SLC22A3: variants seen among roughly 807,000 people sequenced by gnomAD.
SLC22A3 encodes solute carrier family 22 member 3, also known as EMT organic cation transporter 3.
Under a neutral mutation model 59.1 loss-of-function variants are expected in SLC22A3, and 51 were observed. The ratio of observed to expected loss-of-function variants is 0.86; its 90% CI spans 0.69 to 1.09. SLC22A3 has a LOEUF of 1.09. Among genes scored for constraint, SLC22A3 ranks in the 50% least tolerant of loss-of-function variants. The pLI is 0.00. For synonymous variants in SLC22A3, 325 were observed against 292.0 expected (o/e 1.11, Z -1.15); for missense variants, 711 against 726.3 (o/e 0.98, Z 0.24).
chr6:160,416,247 T>C (rs1787484061), intron 5 of SLC22A3, among the ~76,000 whole-genome samples: 1 of 152,108 alleles, frequency 6.6e-6, no homozygotes, highest in South Asian at 2.1e-4. Flanking sequence ...ATAACTGTTG[T>C]TCACTAAATG....
At chr6:160,409,145 A>G (rs1261752824) in intron 4 of SLC22A3, among the ~76,000 whole-genome samples, 4 of 119,848 alleles carry the variant, frequency 3.3e-5, no homozygotes, top group Admixed American at 1.8e-4. Flanking sequence ...AGCATTAGGT[A>G]TATCTCCCAA....
chr6:160,407,364 G>A (rs1347758513), intron 3 of SLC22A3, among the ~76,000 whole-genome samples, 169 bp downstream of exon 3: 1 of 152,164 alleles, frequency 6.6e-6, no homozygotes, highest in Non-Finnish European at 1.5e-5. Context: ...AGGATTCTGA[G>A]TGCTTTAGAA....
chr6:160,394,459 C>T (rs951820272), intron 1 of SLC22A3, among the ~76,000 whole-genome samples: 41 of 152,248 alleles, frequency 2.7e-4, no homozygotes, highest in African/African-American at 8.7e-4. Flanking sequence ...GAAGCGTCAG[C>T]CCCTAGAGGC....
At chr6:160,372,032 TC>T (rs904288556) in intron 1 of SLC22A3, among the ~76,000 whole-genome samples, 7 of 152,186 alleles carry the variant, frequency 4.6e-5, no homozygotes, top group African/African-American at 1.7e-4. Flanking sequence ...GTTGTGTTTT[TC>T]TTGTAAATTT....
chr6:160,361,367 A>T (rs10455871), intron 1 of SLC22A3, among the ~76,000 whole-genome samples: 2,542 of 152,364 alleles, frequency 0.017, 30 homozygotes, highest in Admixed American at 0.041. Flanking sequence ...CCAAAAATGG[A>T]TTATCTAGAT....
intron 5 of SLC22A3, among the ~76,000 whole-genome samples, chr6:160,435,811 C>T (rs9365164): frequency 0.31 from 46,670 of 151,998 alleles, 7,620 homozygotes; most frequent in East Asian, 0.4. Context: ...CACTGAGGAA[C>T]AGATATGACC....
rs1786580178 is a variant in SLC22A3, at chr6:160,398,040, G to A, written c.491G>A (p.Gly164Asp). The change falls in exon 2 of 11, where the codon GGC becomes GAC. Residue 164 changes from glycine (G) to aspartate (D), a missense_variant. Gly to Asp is a moderately conservative substitution (Grantham distance 94). Coordinates refer to ENST00000275300, the MANE Select transcript of SLC22A3 (RefSeq NM_021977.4). The stretch of plus-strand genomic sequence containing the variant: ...CTCACCCAAGCCATCCTGAACCTCG[G>A]CTTCCTGACTGGAGCATTCACCTTA... Reference protein sequence around the residue: ...LDLTQAILNLGFLTGAFTLGY... With the variant: ...LDLTQAILNLDFLTGAFTLGY... 1 of 1,613,706 alleles carries A rather than the reference G, an allele frequency of 6.2e-7. No individual in the cohort carries two copies. Among genetic ancestry groups the A allele is most frequent in the Admixed American group, 1.7e-5 (1 of 59,992 alleles).
In SLC22A3 at chr6:160,371,306, A is replaced by T. The variant is rs1785389058; in HGVS notation, c.429+22458A>T. ...CATCAACCTGTCACTTACATTAGGT[A>T]TTTCTCCTAATGCTATCCCTCCCCT... On this transcript the variant is annotated intron_variant, in intron 1 of 10. Coordinates refer to ENST00000275300, the MANE Select transcript of SLC22A3 (RefSeq NM_021977.4). Among the ~76,000 whole-genome samples, 4 of 152,016 alleles carry T rather than the reference A, an allele frequency of 2.6e-5. 1 individual carries two copies. The South Asian group carries it at 8.3e-4, about 32-fold the overall frequency.
intron 1 of SLC22A3, among the ~76,000 whole-genome samples, chr6:160,359,751 TC>T (rs1394847172): frequency 6.6e-6 from 1 of 152,232 alleles, no homozygotes; most frequent in East Asian, 1.9e-4. Flanking sequence ...TCAACCTTGT[TC>T]AAGAAGCATT....
At chr6:160,446,328 C>T (rs1326596689) in intron 9 of SLC22A3, among the ~76,000 whole-genome samples, 1 of 152,204 alleles carries the variant, frequency 6.6e-6, no homozygotes, top group Non-Finnish European at 1.5e-5. Flanking sequence ...CCAGGGCCAA[C>T]TGCTACCATA....
At chr6:160,371,894 T>C (rs1439661166) in intron 1 of SLC22A3, among the ~76,000 whole-genome samples, 2 of 152,222 alleles carry the variant, frequency 1.3e-5, no homozygotes, top group African/African-American at 4.8e-5. Context: ...TGGTATCTCA[T>C]TGTGGTTTTG....
intron 5 of SLC22A3, among the ~76,000 whole-genome samples, chr6:160,413,403 A>G (rs1039352733): frequency 6.6e-6 from 1 of 152,216 alleles, no homozygotes; most frequent in African/African-American, 2.4e-5. Context: ...ACATACTCAA[A>G]AATACAAAAA....
At chr6:160,364,071 A>G (rs1244144094) in intron 1 of SLC22A3, among the ~76,000 whole-genome samples, 1 of 152,162 alleles carries the variant, frequency 6.6e-6, no homozygotes, top group Non-Finnish European at 1.5e-5. Flanking sequence ...TGCATGTATA[A>G]TAGAGGGAGA....
chr6:160,423,373 T>C (rs184216532), intron 5 of SLC22A3, among the ~76,000 whole-genome samples: 1 of 152,318 alleles, frequency 6.6e-6, no homozygotes, highest in African/African-American at 2.4e-5. Flanking sequence ...GGTCAAATGG[T>C]ATTTCTAGTT....
At chr6:160,431,000 C>A (rs944028958) in intron 5 of SLC22A3, among the ~76,000 whole-genome samples, 1 of 152,112 alleles carries the variant, frequency 6.6e-6, no homozygotes, top group African/African-American at 2.4e-5. Flanking sequence ...GGGTCCGTAC[C>A]ACGGTTGTGG....
chr6:160,407,330 C>T, intron 3 of SLC22A3, 135 bp downstream of exon 3: 1 of 918,262 alleles, frequency 1.1e-6, no homozygotes. Context: ...GTAATTATTT[C>T]TGCAGATGGG....
rs117468765 is a variant in SLC22A3, at chr6:160,407,018, C to G, written c.534-23C>G. 1.8e-3 allele frequency: 2,982 copies of G among 1,612,602 alleles called. 9 individuals carry two copies. Among genetic ancestry groups the G allele is most frequent in the Middle Eastern group, 8.0e-3 (47 of 5,904 alleles). ...TTGAAGAAAATGTTTAAGGTGAGCT[C>G]TTTTCCTGTCTTTCTCAAAAAGGTA... On this transcript the variant is annotated intron_variant, in intron 2 of 10. Transcript: ENST00000275300.
chr6:160,399,461 C>T lies in SLC22A3; in HGVS notation c.533+1379C>T, dbSNP rs439098. Among the ~76,000 whole-genome samples the T allele has an allele frequency of 5.3e-3, 812 of 152,090 alleles. 12 individuals carry two copies. In the East Asian group the frequency reaches 0.063, roughly 12 times the overall value. On this transcript the variant is annotated intron_variant, in intron 2 of 10. Transcript: ENST00000275300. ...TAACCATATCTCCAAACTAAATTAACGTTACTAAAGTGGGGAATTTCCCCT... is the reference window on the plus strand; with the variant it reads ...TAACCATATCTCCAAACTAAATTAATGTTACTAAAGTGGGGAATTTCCCCT...
At chr6:160,353,265 C>T (rs527238872) in intron 1 of SLC22A3, among the ~76,000 whole-genome samples, 3 of 152,298 alleles carry the variant, frequency 2.0e-5, no homozygotes, top group African/African-American at 4.8e-5. Flanking sequence ...ACAATAAGGA[C>T]CTTCATTATG....
Sources: gnomAD v4.1 joint callset for allele counts (sites outside exome capture counted in the v4.1 genomes callset) on GRCh38, gnomAD v4.1.1 for gene constraint, MANE v1.5 for transcripts, NCBI Gene and HGNC (gene_info 2026-07-23, HGNC 2026-07-21) for gene names.